The following TENM2 variants were observed in gnomAD, a reference collection of about 807,000 sequenced individuals.
TENM2 encodes the protein teneurin-2.
Under a neutral mutation model 245.2 loss-of-function variants are expected in TENM2, and 52 were observed. That is an observed-to-expected ratio of 0.21 (90% CI 0.17 to 0.27). The LOEUF (loss-of-function observed/expected upper bound fraction) is 0.27, where lower values mean the gene tolerates loss of function less well. Ranked by LOEUF, TENM2 falls within the 10% of genes least tolerant of loss-of-function variation. The pLI, the probability that TENM2 is intolerant of heterozygous loss-of-function variation, is 1.00. For synonymous variants in TENM2, 1,363 were observed against 1,438.9 expected (o/e 0.95, Z 1.19); for missense variants, 3,046 against 3,666.8 (o/e 0.83, Z 4.37).
At chr5:167,938,979 CT>C (rs1279185475) in intron 3 of TENM2, among the ~76,000 whole-genome samples, 1 of 151,662 alleles carries the variant, frequency 6.6e-6, no homozygotes, top group Non-Finnish European at 1.5e-5. Flanking sequence ...CATAAGTGAG[CT>C]TAGCTAATGT....
At chr5:167,166,258 A>G in the TENM2 span, among the ~76,000 whole-genome samples, 3 of 152,086 alleles carry the variant, frequency 2.0e-5, no homozygotes, top group Admixed American at 2.0e-4. Flanking sequence ...ACACACACAA[A>G]CTTCCAGGTA....
intron 2 of TENM2, among the ~76,000 whole-genome samples, chr5:167,571,919 G>T (rs375929512): frequency 6.6e-6 from 1 of 152,278 alleles, no homozygotes; most frequent in Admixed American, 6.5e-5. Flanking sequence ...TCTGCAAAAT[G>T]TCCGCAGAGA....
At chr5:167,034,498 C>T in the TENM2 span, among the ~76,000 whole-genome samples, 9 of 151,646 alleles carry the variant, frequency 5.9e-5, no homozygotes, top group East Asian at 1.9e-4. Context: ...GGCGTGGTGG[C>T]GGGCGCCTGT....
chr5:168,239,358 C>CA, intron 25 of TENM2, among the ~76,000 whole-genome samples: 1 of 152,226 alleles, frequency 6.6e-6, no homozygotes, highest in African/African-American at 2.4e-5. Flanking sequence ...CCTGTGCTAT[C>CA]AAAAAATCCC....
chr5:167,955,790 T>C (rs1289770710), intron 4 of TENM2, among the ~76,000 whole-genome samples: 2 of 152,184 alleles, frequency 1.3e-5, no homozygotes, highest in Non-Finnish European at 2.9e-5. Context: ...ATGTATGGTG[T>C]TATTTCTGGG....
chr5:167,253,763 T>A, the TENM2 span, among the ~76,000 whole-genome samples: 30,118 of 151,956 alleles, frequency 0.2, 3,374 homozygotes, highest in East Asian at 0.45. Flanking sequence ...GTTTAGTGCA[T>A]AGTTGGTGCT....
At chr5:167,649,229 G>A (rs541814612) in intron 2 of TENM2, among the ~76,000 whole-genome samples, 4 of 152,202 alleles carry the variant, frequency 2.6e-5, no homozygotes, top group Admixed American at 2.0e-4. Context: ...GATTTGTAAG[G>A]CACTATATTA....
At chr5:167,821,488 CT>C (rs976350967) in intron 2 of TENM2, among the ~76,000 whole-genome samples, 17 of 152,062 alleles carry the variant, frequency 1.1e-4, no homozygotes, top group African/African-American at 4.1e-4. Flanking sequence ...GGGGATGGTT[CT>C]CTGTTGTTGT....
chr5:167,016,036 C>T, the TENM2 span, among the ~76,000 whole-genome samples: 2 of 151,874 alleles, frequency 1.3e-5, no homozygotes, highest in South Asian at 2.1e-4. Flanking sequence ...GGGCGGATCA[C>T]GAGGTCAGGA....
chr5:167,328,561 A>T (rs1485616217), intron 1 of TENM2, among the ~76,000 whole-genome samples: 1 of 152,176 alleles, frequency 6.6e-6, no homozygotes, highest in Non-Finnish European at 1.5e-5. Flanking sequence ...TTAAATTTAT[A>T]AATCATTCCC....
intron 1 of TENM2, among the ~76,000 whole-genome samples, chr5:167,340,111 C>T (rs1267016051): frequency 1.3e-5 from 2 of 152,184 alleles, no homozygotes; most frequent in Non-Finnish European, 2.9e-5. Flanking sequence ...CACTGGAACA[C>T]AGATCAGCCA....
chr5:167,107,901 C>T, the TENM2 span, among the ~76,000 whole-genome samples: 70 of 152,306 alleles, frequency 4.6e-4, no homozygotes, highest in East Asian at 8.5e-3. Context: ...CAGAGCCTTC[C>T]GGGATAGCCC....
At chr5:167,899,054 G>A (rs1228472983) in intron 3 of TENM2, among the ~76,000 whole-genome samples, 3 of 151,678 alleles carry the variant, frequency 2.0e-5, no homozygotes, top group Non-Finnish European at 4.4e-5. Flanking sequence ...GAAGGGAGGG[G>A]GAAGAAGAGA....
intron 1 of TENM2, among the ~76,000 whole-genome samples, chr5:167,367,993 G>A (rs561856003): frequency 6.6e-6 from 1 of 151,800 alleles, no homozygotes. Context: ...ACTTTAAAAT[G>A]TACGCTCTAA....
At chr5:167,481,334 T>TA (rs1026302617) in intron 2 of TENM2, among the ~76,000 whole-genome samples, 9 of 152,186 alleles carry the variant, frequency 5.9e-5, no homozygotes, top group Non-Finnish European at 1.2e-4. Context: ...ATCCTTTTTT[T>TA]AGAAAAATGT....
chr5:167,209,232 T>C, the TENM2 span, among the ~76,000 whole-genome samples: 6 of 152,276 alleles, frequency 3.9e-5, no homozygotes, highest in East Asian at 1.9e-4. Flanking sequence ...TCCTGGCATA[T>C]GAAAAACATT....
intron 2 of TENM2, among the ~76,000 whole-genome samples, chr5:167,514,283 G>C (rs76129982): frequency 6.6e-6 from 1 of 152,044 alleles, no homozygotes; most frequent in African/African-American, 2.4e-5. Flanking sequence ...GAGAAAACAC[G>C]GAAGTGAACA....
At chr5:168,105,807 T>A (rs1023458910) in intron 9 of TENM2, among the ~76,000 whole-genome samples, 8 of 152,198 alleles carry the variant, frequency 5.3e-5, no homozygotes, top group African/African-American at 1.9e-4. Flanking sequence ...TATTCTACGG[T>A]TTTTTGTTAT....
chr5:167,833,386 G>A lies in TENM2; in HGVS notation c.503-42600G>A, dbSNP rs558191890. Among the ~76,000 whole-genome samples the A allele has an allele frequency of 2.6e-5, 4 of 152,288 alleles. No homozygotes were observed. The South Asian group carries it at 8.3e-4, about 32-fold the overall frequency. On this transcript the variant is annotated intron_variant, in intron 2 of 28. Transcript: ENST00000518659. ...AAGGACTTCAGACTCAACCAGAAGT[G>A]TGTCCTTTGATGGTGAAAATATCCT...
Sources: allele counts gnomAD v4.1 joint callset (sites outside exome capture counted in the v4.1 genomes callset), GRCh38; gene constraint gnomAD v4.1.1; transcripts MANE v1.5; gene names NCBI Gene and HGNC (gene_info 2026-07-23, HGNC 2026-07-21).